The following FAM168A variants were observed in gnomAD, a reference collection of about 807,000 sequenced individuals.
The protein encoded by FAM168A is protein FAM168A.
In FAM168A, 3 loss-of-function variants were observed where a neutral mutation model predicts 28.5. That is an observed-to-expected ratio of 0.11 (90% CI 0.05 to 0.27). The LOEUF (loss-of-function observed/expected upper bound fraction) is 0.27. Ranked by LOEUF, FAM168A falls within the 10% of genes least tolerant of loss-of-function variation. FAM168A has a pLI of 1.00. For synonymous variants in FAM168A, 122 were observed against 124.2 expected, an observed-to-expected ratio of 0.98 and a Z score of 0.12; for missense variants, 222 against 311.5, an observed-to-expected ratio of 0.71 and a Z score of 2.16.
intron 1 of FAM168A, among the ~76,000 whole-genome samples, chr11:73,474,799 C>T (rs1867865012): frequency 1.3e-5 from 2 of 152,120 alleles, no homozygotes; most frequent in Non-Finnish European, 2.9e-5. Flanking sequence ...AAACAATGAG[C>T]CATCTTTCAT....
At position 73,462,410 on chromosome 11, in the gene FAM168A, A is replaced by AT; in HGVS notation, c.70+5994dup. Among the ~76,000 whole-genome samples, 4 of 152,276 alleles carry AT rather than the reference A, an allele frequency of 2.6e-5. No homozygotes were observed. In the South Asian group the frequency reaches 6.2e-4, roughly 24 times the overall value. On this transcript the variant is annotated intron_variant, in intron 2 of 7. Coordinates refer to ENST00000356467, the MANE Select transcript of FAM168A (RefSeq NM_015159.3). ...TAGACTAGTCAAATTCATAAAGATA[A>AT]TAAGTAGGTTGGTGATTGCCAGGAG...
chr11:73,419,979 C>T lies in FAM168A; in HGVS notation c.172G>A (p.Ala58Thr). The change falls in exon 4 of 8, where the codon GCC becomes ACC. Residue 58 changes from alanine (A) to threonine (T), a missense_variant. Ala to Thr is a moderately conservative substitution (Grantham distance 58, BLOSUM62 0). Transcript: ENST00000356467. ...YAPATLLMKQ[A>T]WPQNSSSCGT... Reference sequence around the variant, plus strand: ...CAGGAAGACGAGTTCTGTGGCCAGGCCTGTTTCATCAGCAGAGTTGCTTAA... The same window carrying T: ...CAGGAAGACGAGTTCTGTGGCCAGGTCTGTTTCATCAGCAGAGTTGCTTAA... The T allele has an allele frequency of 3.1e-6, 5 of 1,613,722 alleles. No homozygotes were observed. Among genetic ancestry groups the T allele is most frequent in the Non-Finnish European group, 4.2e-6 (5 of 1,179,784 alleles).
chr11:73,464,882 CAA>C (rs1450955377), intron 2 of FAM168A, among the ~76,000 whole-genome samples: 1 of 147,556 alleles, frequency 6.8e-6, no homozygotes, highest in Non-Finnish European at 1.5e-5. Flanking sequence ...TTTTTTAAAA[CAA>C]ATGATAGATT....
At chr11:73,477,962 T>TAGATAGATAGATAGAC (rs1555025458) in intron 1 of FAM168A, among the ~76,000 whole-genome samples, 76 of 145,532 alleles carry the variant, frequency 5.2e-4, no homozygotes, top group African/African-American at 1.9e-3. Context: ...GATAGATAGA[T>TAGATAGATAGATAGAC]AGATAGATAA....
At chr11:73,418,894 C>T (rs546411215) in intron 4 of FAM168A, among the ~76,000 whole-genome samples, 38 of 151,818 alleles carry the variant, frequency 2.5e-4, no homozygotes, top group Non-Finnish European at 4.4e-4. Flanking sequence ...CTGCAAGCTC[C>T]GCCTCCCGGG....
At chr11:73,572,012 C>G (rs1168188963) in intron 1 of FAM168A, among the ~76,000 whole-genome samples, 1 of 151,374 alleles carries the variant, frequency 6.6e-6, no homozygotes, top group Non-Finnish European at 1.5e-5. Context: ...GACCCTCCGC[C>G]TGGCAGCCGC....
Position 73,405,356 on chromosome 11 carries a change from G to A in FAM168A, c.*1407C>T, listed in dbSNP as rs1169481955. 6.6e-6 allele frequency: 1 copy of A among 152,160 alleles called. No homozygotes were observed. The highest frequency in any genetic ancestry group is 2.4e-5 in the African/African-American group (1 of 41,418). The allele number at this position is 152,160 out of a possible 1,614,324, so 9.4% of individuals were successfully genotyped here. A position where few individuals can be genotyped will look rare whatever the true frequency, so the allele number is the denominator to read the frequency against. On this transcript the variant is annotated 3_prime_UTR_variant, in exon 8 of 8. Coordinates refer to ENST00000356467, the MANE Select transcript of FAM168A (RefSeq NM_015159.3). Reference sequence around the variant, plus strand: ...CCGTGGAGGAAAAGAGCAGAAACAGGAGCCCAGAGACCATTCCAGACTCAC... The same window carrying A: ...CCGTGGAGGAAAAGAGCAGAAACAGAAGCCCAGAGACCATTCCAGACTCAC...
At chr11:73,580,369 G>T in intron 1 of FAM168A, 1 of 605,080 alleles carries the variant, frequency 1.7e-6, no homozygotes, top group Non-Finnish European at 3.2e-6. Flanking sequence ...ATAGAGCCCA[G>T]GCCAAAAAAG....
chr11:73,442,587 T>C (rs1867216318), intron 2 of FAM168A, among the ~76,000 whole-genome samples: 1 of 152,174 alleles, frequency 6.6e-6, no homozygotes, highest in Non-Finnish European at 1.5e-5. Flanking sequence ...TAACTGTGAA[T>C]TTCTCAAATT....
intron 1 of FAM168A, among the ~76,000 whole-genome samples, chr11:73,491,526 A>T (rs905539769): frequency 6.6e-6 from 1 of 152,252 alleles, no homozygotes; most frequent in African/African-American, 2.4e-5. Context: ...TTTTTACTCA[A>T]GACAAAACTG....
chr11:73,471,173 C>T (rs971731188), intron 1 of FAM168A, among the ~76,000 whole-genome samples: 5 of 152,164 alleles, frequency 3.3e-5, no homozygotes, highest in Admixed American at 1.3e-4. Context: ...AAAATCTATA[C>T]TGTAAATAGT....
At chr11:73,509,849 C>G (rs1855185075) in intron 1 of FAM168A, among the ~76,000 whole-genome samples, 1 of 152,156 alleles carries the variant, frequency 6.6e-6, no homozygotes, top group African/African-American at 2.4e-5. Context: ...AATTCAAATC[C>G]TGGCCATCCT....
chr11:73,590,384 G>C (rs1944366977), intron 1 of FAM168A, among the ~76,000 whole-genome samples: 1 of 152,198 alleles, frequency 6.6e-6, no homozygotes, highest in South Asian at 2.1e-4. Context: ...AAGTTCTTTG[G>C]AGTTGTCAAT....
At chr11:73,417,512 A>G (rs1850041975) in intron 4 of FAM168A, among the ~76,000 whole-genome samples, 1 of 150,872 alleles carries the variant, frequency 6.6e-6, no homozygotes, top group African/African-American at 2.4e-5. Context: ...CATTCATTCT[A>G]CCTGAGGTAT....
At chr11:73,492,974 T>C (rs905240420) in intron 1 of FAM168A, among the ~76,000 whole-genome samples, 1 of 152,020 alleles carries the variant, frequency 6.6e-6, no homozygotes, top group African/African-American at 2.4e-5. Context: ...GAACTAAACA[T>C]TGGGTAAGCA....
intron 1 of FAM168A, among the ~76,000 whole-genome samples, chr11:73,568,499 C>T (rs73548688): frequency 0.078 from 11,838 of 152,158 alleles, 558 homozygotes; most frequent in Non-Finnish European, 0.11. Flanking sequence ...CATGGAAAAC[C>T]AAGTAGCTAT....
chr11:73,582,908 A>T (rs1944265068), intron 1 of FAM168A, among the ~76,000 whole-genome samples: 1 of 152,180 alleles, frequency 6.6e-6, no homozygotes, highest in African/African-American at 2.4e-5. Context: ...AGCTATGGGC[A>T]AAGAGTAAAG....
chr11:73,438,519 C>T (rs919533712), intron 2 of FAM168A, among the ~76,000 whole-genome samples: 2 of 152,032 alleles, frequency 1.3e-5, no homozygotes, highest in Non-Finnish European at 2.9e-5. Flanking sequence ...GAATTTACTG[C>T]GTGCGGGGAA....
At chr11:73,430,312 G>C in intron 3 of FAM168A, 1 of 272,492 alleles carries the variant, frequency 3.7e-6, no homozygotes, top group African/African-American at 2.3e-5. Flanking sequence ...GTCCCAAGGG[G>C]TGTGTGGGTG....
Sources: gnomAD v4.1 joint callset for allele counts (sites outside exome capture counted in the v4.1 genomes callset) on GRCh38, gnomAD v4.1.1 for gene constraint, MANE v1.5 for transcripts, NCBI Gene and HGNC (gene_info 2026-07-23, HGNC 2026-07-21) for gene names.